The following CACNA2D3 variants were observed in gnomAD, a reference collection of about 807,000 sequenced individuals.
CACNA2D3 encodes the protein calcium voltage-gated channel auxiliary subunit alpha2delta 3.
Under a neutral mutation model 160.6 loss-of-function variants are expected in CACNA2D3, and 60 were observed. That is an observed-to-expected ratio of 0.37 (90% CI 0.30 to 0.46). The LOEUF (loss-of-function observed/expected upper bound fraction) is 0.46, where lower values mean the gene tolerates loss of function less well. Ranked by LOEUF, CACNA2D3 falls within the 20% of genes least tolerant of loss-of-function variation. CACNA2D3 has a pLI of 1.00. For synonymous variants in CACNA2D3, 558 were observed against 492.9 expected (o/e 1.13, Z -1.75); for missense variants, 1,205 against 1,365.0 (o/e 0.88, Z 1.85).
intron 2 of CACNA2D3, among the ~76,000 whole-genome samples, chr3:54,313,954 G>A (rs1032259847): frequency 5.5e-5 from 4 of 73,098 alleles, no homozygotes; most frequent in Admixed American, 2.3e-4. Context: ...TTACATGAGT[G>A]TGTTCTTTAG....
intron 4 of CACNA2D3, among the ~76,000 whole-genome samples, chr3:54,503,149 C>T (rs1043203020): frequency 1.3e-5 from 2 of 152,178 alleles, no homozygotes; most frequent in African/African-American, 2.4e-5. Flanking sequence ...TTTCAGCCTC[C>T]TTCAACTTAA....
intron 2 of CACNA2D3, among the ~76,000 whole-genome samples, chr3:54,147,752 GCCAAGGTGGGCTTTT>G (rs1700063038): frequency 6.6e-6 from 1 of 152,230 alleles, no homozygotes; most frequent in African/African-American, 2.4e-5. Flanking sequence ...GACTCTGAGA[GCCAAGGTGGGCTTTT>G]CCAAAGGCTT....
chr3:54,879,133 C>A, intron 19 of CACNA2D3, 44 bp downstream of exon 19: 2 of 1,285,586 alleles, frequency 1.6e-6, no homozygotes, highest in South Asian at 1.3e-5. Context: ...TTAAAACAAA[C>A]CACTGTGAAA....
chr3:54,786,626 G>A (rs1185600250), intron 13 of CACNA2D3, among the ~76,000 whole-genome samples: 1 of 152,120 alleles, frequency 6.6e-6, no homozygotes. Flanking sequence ...TAAATAAATA[G>A]CAAATAACTA....
chr3:54,851,321 T>C (rs1354047241), intron 17 of CACNA2D3, among the ~76,000 whole-genome samples: 1 of 152,126 alleles, frequency 6.6e-6, no homozygotes, highest in African/African-American at 2.4e-5. Context: ...AGCCTGGAGT[T>C]GAAGTGAGGA....
At chr3:54,829,481 A>G (rs1355983304) in intron 14 of CACNA2D3, among the ~76,000 whole-genome samples, 1 of 152,076 alleles carries the variant, frequency 6.6e-6, no homozygotes, top group African/African-American at 2.4e-5. Context: ...TGGGGAAGGT[A>G]TCTAAATTGC....
intron 9 of CACNA2D3, among the ~76,000 whole-genome samples, chr3:54,599,079 G>A (rs779531997): frequency 1.3e-5 from 2 of 152,184 alleles, no homozygotes; most frequent in African/African-American, 2.4e-5. Context: ...GCCCTATTGA[G>A]TTGCTTGCAG....
At chr3:54,686,938 G>T (rs1471320438) in intron 11 of CACNA2D3, among the ~76,000 whole-genome samples, 1 of 151,994 alleles carries the variant, frequency 6.6e-6, no homozygotes, top group Non-Finnish European at 1.5e-5. Flanking sequence ...TGCCTATTGA[G>T]TTGTCAGGGC....
At chr3:55,017,966 C>G (rs7631133) in intron 34 of CACNA2D3, among the ~76,000 whole-genome samples, 8,832 of 152,212 alleles carry the variant, frequency 0.058, 869 homozygotes, top group African/African-American at 0.2. Context: ...AAGTAGAATT[C>G]TTGTGATGCA....
At chr3:54,509,355 G>C (rs1701422689) in intron 5 of CACNA2D3, among the ~76,000 whole-genome samples, 2 of 152,086 alleles carry the variant, frequency 1.3e-5, no homozygotes, top group African/African-American at 4.8e-5. Context: ...AAGTGAACAA[G>C]AGTGACTGAC....
intron 2 of CACNA2D3, among the ~76,000 whole-genome samples, chr3:54,217,560 G>C (rs937539949): frequency 2.0e-5 from 3 of 152,186 alleles, no homozygotes; most frequent in Non-Finnish European, 4.4e-5. Context: ...TTTTAAAAGA[G>C]AGGCAAAGGG....
At chr3:54,919,487 A>T (rs1448735131) in intron 27 of CACNA2D3, among the ~76,000 whole-genome samples, 2 of 152,208 alleles carry the variant, frequency 1.3e-5, no homozygotes. Context: ...GTGTCTCCTC[A>T]GGCCTCAGAA....
At chr3:55,015,162 G>A (rs148500118) in intron 34 of CACNA2D3, among the ~76,000 whole-genome samples, 2 of 152,140 alleles carry the variant, frequency 1.3e-5, no homozygotes, top group Non-Finnish European at 2.9e-5. Context: ...TTCAAATCAC[G>A]TGTGCTGCCT....
At chr3:54,570,571 A>G (rs1702479948) in intron 8 of CACNA2D3, among the ~76,000 whole-genome samples, 1 of 152,210 alleles carries the variant, frequency 6.6e-6, no homozygotes, top group Non-Finnish European at 1.5e-5. Context: ...GGCTCACAGA[A>G]CACTTTATTT....
intron 11 of CACNA2D3, among the ~76,000 whole-genome samples, chr3:54,645,681 C>G (rs753650379): frequency 6.6e-6 from 1 of 152,164 alleles, no homozygotes; most frequent in African/African-American, 2.4e-5. Flanking sequence ...CTTAGGTTTG[C>G]CCGGAGCCTT....
intron 2 of CACNA2D3, among the ~76,000 whole-genome samples, chr3:54,287,161 G>T (rs1026173847): frequency 1.3e-5 from 2 of 152,108 alleles, no homozygotes. Context: ...AGACCCATCA[G>T]TGTGCTGTAT....
intron 11 of CACNA2D3, among the ~76,000 whole-genome samples, chr3:54,750,159 C>T (rs1289994649): frequency 3.3e-5 from 5 of 152,198 alleles, no homozygotes; most frequent in African/African-American, 1.2e-4. Context: ...GGAGTTTTAA[C>T]TATGTCTCCA....
intron 35 of CACNA2D3, among the ~76,000 whole-genome samples, chr3:55,065,443 G>C (rs1054228588): frequency 6.6e-6 from 1 of 152,182 alleles, no homozygotes; most frequent in African/African-American, 2.4e-5. Flanking sequence ...TCTGCCATGT[G>C]AACACTGGTC....
intron 2 of CACNA2D3, among the ~76,000 whole-genome samples, chr3:54,215,841 G>C (rs905164257): frequency 6.6e-6 from 1 of 152,012 alleles, no homozygotes; most frequent in Non-Finnish European, 1.5e-5. Flanking sequence ...TCCCATTCAA[G>C]GGCTAAGCTC....
Sources: gnomAD v4.1 joint callset for allele counts (sites outside exome capture counted in the v4.1 genomes callset) on GRCh38, gnomAD v4.1.1 for gene constraint, MANE v1.5 for transcripts, NCBI Gene and HGNC (gene_info 2026-07-23, HGNC 2026-07-21) for gene names.